The following ATP5F1D variants were observed in gnomAD, a reference collection of about 807,000 sequenced individuals.
The protein encoded by ATP5F1D is ATP synthase F(1) complex subunit delta, mitochondrial.
In ATP5F1D, 16 loss-of-function variants were observed where a neutral mutation model predicts 13.0. That is an observed-to-expected ratio of 1.23 (90% CI 0.83 to 1.87). The LOEUF (loss-of-function observed/expected upper bound fraction) is 1.87. Among genes scored for constraint, ATP5F1D ranks in the 40% most tolerant of loss-of-function variants. The pLI, the probability that ATP5F1D is intolerant of heterozygous loss-of-function variation, is 0.00. For missense variants in ATP5F1D, 294 were observed against 246.2 expected (o/e 1.19, Z -1.30); for synonymous variants, 129 against 116.2 (o/e 1.11, Z -0.71).
chr19:1,243,430 CG>C (rs2081047479), intron 2 of ATP5F1D: 1 of 151,516 alleles, frequency 6.6e-6, no homozygotes. Flanking sequence ...TTTGGAAGGC[CG>C]GGGTGGGAGG....
Position 1,242,466 on chromosome 19 carries a change from A to C in ATP5F1D, c.152A>C (p.Asn51Thr). ...CGCTGTTGTCTGCAGGTGTTCTTCA[A>C]CGGTGCCAACGTCCGGCAGGTGGAC... Reference protein sequence around the residue: ...TFASPTQVFFNGANVRQVDVP... With the variant: ...TFASPTQVFFTGANVRQVDVP... The change falls in exon 2 of 4, where the codon AAC becomes ACC. Residue 51 changes from asparagine (N) to threonine (T), a missense_variant. Transcript: ENST00000215375. The C allele has an allele frequency of 6.5e-7, 1 of 1,527,716 alleles. No homozygotes were observed. Among genetic ancestry groups the C allele is most frequent in the Non-Finnish European group, 8.8e-7 (1 of 1,132,020 alleles). 94.6% of individuals were successfully genotyped at this position (1,527,716 alleles called of 1,614,324 possible).
chr19:1,242,173 G>A, intron 1 of ATP5F1D, 182 bp downstream of exon 1: 1 of 908,646 alleles, frequency 1.1e-6, no homozygotes, highest in Non-Finnish European at 1.5e-6. Context: ...CCCTCGTCCC[G>A]GGCACCTCCC....
intron 1 of ATP5F1D, 52 bp from the exon 2 acceptor site, chr19:1,242,403 GT>G (rs1568763421): frequency 1.4e-6 from 2 of 1,446,084 alleles, no homozygotes; most frequent in African/African-American, 2.9e-5. Flanking sequence ...CGAGTGCCCG[GT>G]GGGCGCGGGG....
At position 1,244,167 on chromosome 19, in the gene ATP5F1D, G is replaced by A. The variant is rs2081051242; in HGVS notation, c.366G>A (p.Leu122=). The A allele has an allele frequency of 1.1e-5, 18 of 1,611,816 alleles. No homozygotes were observed. Among genetic ancestry groups the A allele is most frequent in the African/African-American group, 2.7e-5 (2 of 74,898 alleles). The part of the protein sequence containing the change: ...VQLLAEEAVT[L]DMLDLGAAKA... The stretch of plus-strand genomic sequence containing the variant: ...TGTTGGCCGAAGAGGCCGTGACGCT[G>A]GACATGTTGGACCTGGGGGTGAGTG... Residue 122 remains leucine (L), a synonymous_variant, in exon 3 of 4, where the codon CTG becomes CTA. Coordinates refer to ENST00000215375, the MANE Select transcript of ATP5F1D (RefSeq NM_001687.5).
rs1351311591 is a variant in ATP5F1D at position 1,241,789 on chromosome 19, G to A, written c.-62G>A. 7.0e-6 allele frequency: 9 copies of A among 1,276,658 alleles called. No homozygotes were observed. In the South Asian group the frequency reaches 7.2e-5, roughly 10 times the overall value. 79.1% of individuals were successfully genotyped at this position (1,276,658 alleles called of 1,614,324 possible). A position where few individuals can be genotyped will look rare whatever the true frequency, so the allele number is the denominator to read the frequency against. On this transcript the variant is annotated 5_prime_UTR_variant, in exon 1 of 4. Coordinates refer to ENST00000215375, the MANE Select transcript of ATP5F1D (RefSeq NM_001687.5). ...CGTCGTCCTCCTCGCCCTCCAGGCC[G>A]CCCGCGCCGCGCCGGAGTCCGCTGT... is the stretch of plus-strand genomic sequence containing the variant.
At chr19:1,244,217 G>C (rs1404755666) in intron 3 of ATP5F1D, 32 bp downstream of exon 3, 6 of 1,600,434 alleles carry the variant, frequency 3.7e-6, no homozygotes, top group Non-Finnish European at 5.1e-6. Context: ...AGGCTCAGCA[G>C]GTTGGAGCTG....
In ATP5F1D at chr19:1,241,925, CGCCGCCGCCCCGGCT is replaced by C. The variant is rs2081039061; in HGVS notation, c.82_96del (p.Ala28_Ala32del). ...GCCACGCCCGTGCCTATGCCGAGGC[CGCCGCCGCCCCGGCT>C]GCCGCCTCTGGCCCCAACCAGATGT... On this transcript the variant is annotated inframe_deletion, in exon 1 of 4. Transcript: ENST00000215375. The C allele has an allele frequency of 4.7e-6, 7 of 1,494,826 alleles. No homozygotes were observed. The highest frequency in any genetic ancestry group is 5.3e-6 in the Non-Finnish European group (6 of 1,125,032). 92.6% of individuals were successfully genotyped at this position (1,494,826 alleles called of 1,614,324 possible).
At chr19:1,242,800 G>A in intron 2 of ATP5F1D, 191 bp downstream of exon 2, 1 of 603,756 alleles carries the variant, frequency 1.7e-6, no homozygotes, top group Non-Finnish European at 2.5e-6. Context: ...AGACCAGCCT[G>A]GCCAACATGA....
rs866441451 is a variant in ATP5F1D at position 1,241,784 on chromosome 19, A to C, written c.-67A>C. 56 of 1,274,094 alleles carry C rather than the reference A, an allele frequency of 4.4e-5. No individual in the cohort carries two copies. In the Middle Eastern group the frequency reaches 9.1e-4, roughly 21 times the overall value. The allele number at this position is 1,274,094 out of a possible 1,614,324, so 78.9% of individuals were successfully genotyped here. A position where few individuals can be genotyped will look rare whatever the true frequency, so the allele number is the denominator to read the frequency against. ...CTGCGCGTCGTCCTCCTCGCCCTCC[A>C]GGCCGCCCGCGCCGCGCCGGAGTCC... On this transcript the variant is annotated 5_prime_UTR_variant, in exon 1 of 4. Transcript: ENST00000215375.
At chr19:1,243,868 C>T (rs908076545) in intron 2 of ATP5F1D, among the ~76,000 whole-genome samples, 4 of 152,194 alleles carry the variant, frequency 2.6e-5, no homozygotes, top group Admixed American at 6.5e-5. Context: ...TTTGGGGGTT[C>T]CTCCAGCTTC....
chr19:1,244,583 G>C lies in ATP5F1D; in HGVS notation c.*146G>C. The C allele has an allele frequency of 7.8e-7, 1 of 1,277,570 alleles. No homozygotes were observed. The highest frequency in any genetic ancestry group is 1.1e-6 in the Non-Finnish European group (1 of 943,158). The allele number at this position is 1,277,570 out of a possible 1,614,324, so 79.1% of individuals were successfully genotyped here. A position where few individuals can be genotyped will look rare whatever the true frequency, so the allele number is the denominator to read the frequency against. ...GAGGGCAGTGCAGGCTTCTGCCTGG[G>C]CCCCAGGCCCTGCCTGTGTTGAAAG... On this transcript the variant is annotated 3_prime_UTR_variant, in exon 4 of 4. Transcript: ENST00000215375.
At chr19:1,242,637 A>C in intron 2 of ATP5F1D, 28 bp downstream of exon 2, 1 of 1,471,696 alleles carries the variant, frequency 6.8e-7, no homozygotes, top group Non-Finnish European at 9.1e-7. Flanking sequence ...CTGCAGGGCC[A>C]GGCCAGGCTG....
chr19:1,244,027 G>A, intron 2 of ATP5F1D, 70 bp from the exon 3 acceptor site: 1 of 1,476,752 alleles, frequency 6.8e-7, no homozygotes, highest in Non-Finnish European at 9.3e-7. Flanking sequence ...CTCTGGACTT[G>A]ACCAGGGGAG....
intron 2 of ATP5F1D, 37 bp downstream of exon 2, chr19:1,242,646 T>C (rs1225833994): frequency 1.4e-6 from 2 of 1,457,730 alleles, no homozygotes; most frequent in Admixed American, 5.0e-5. Flanking sequence ...CAGGCCAGGC[T>C]GGGGCTCCAC....
intron 2 of ATP5F1D, chr19:1,242,852 T>G (rs1388118829): frequency 4.2e-5 from 14 of 332,038 alleles, no homozygotes; most frequent in Non-Finnish European, 5.2e-6. Context: ...ACTGGCCGGG[T>G]GCGGTGGCTC....
chr19:1,244,446 T>C lies in ATP5F1D; in HGVS notation c.*9T>C. The C allele has an allele frequency of 1.3e-6, 2 of 1,550,624 alleles. No individual in the cohort carries two copies. The highest frequency in any genetic ancestry group is 4.9e-5 in the East Asian group (2 of 41,230). ...TGAAGGCCCTGGAGTAGGCGGTGCG[T>C]ACCCGGTGTCCCGAGGCCCGGCCAG... On this transcript the variant is annotated 3_prime_UTR_variant, in exon 4 of 4. Coordinates refer to ENST00000215375, the MANE Select transcript of ATP5F1D (RefSeq NM_001687.5).
chr19:1,242,319 C>T (rs1326854419), intron 1 of ATP5F1D, 137 bp from the exon 2 acceptor site: 1 of 1,112,286 alleles, frequency 9.0e-7, no homozygotes, highest in Non-Finnish European at 1.2e-6. Flanking sequence ...AACTTCGGAT[C>T]CCTGCGCTGG....
In ATP5F1D at chr19:1,243,412, C is replaced by T. The variant is rs2081047366; in HGVS notation, c.296-685C>T. 3 of 152,356 alleles carry T rather than the reference C, an allele frequency of 2.0e-5. No homozygotes were observed. In the South Asian group the frequency reaches 6.1e-4, roughly 31 times the overall value. The allele number at this position is 152,356 out of a possible 1,614,324, so 9.4% of individuals were successfully genotyped here. A position where few individuals can be genotyped will look rare whatever the true frequency, so the allele number is the denominator to read the frequency against. On this transcript the variant is annotated intron_variant, in intron 2 of 3. Transcript: ENST00000215375. ...GGGTGCGGTGGCTCACACCTGTAAT[C>T]CTAGCACTTTGGAAGGCCGGGGTGG...
chr19:1,242,897 C>T (rs536135327), intron 2 of ATP5F1D: 28 of 216,980 alleles, frequency 1.3e-4, no homozygotes, highest in African/African-American at 6.4e-4. Context: ...GAGGCCGAGG[C>T]GGGGGGATCA....
Sources: allele counts gnomAD v4.1 joint callset (sites outside exome capture counted in the v4.1 genomes callset), GRCh38; gene constraint gnomAD v4.1.1; transcripts MANE v1.5; gene names NCBI Gene and HGNC (gene_info 2026-07-23, HGNC 2026-07-21).